Variants in GET1 observed in about 807,000 individuals in gnomAD.
GET1 encodes congenital heart disease 5 protein.
Under a neutral mutation model 22.6 loss-of-function variants are expected in GET1, and 20 were observed. The ratio of observed to expected loss-of-function variants is 0.89; its 90% CI spans 0.62 to 1.29. GET1 has a LOEUF of 1.29. GET1 is among the 50% of genes most tolerant of loss of function. The pLI is 0.00. For missense variants in GET1, 209 were observed against 219.9 expected (o/e 0.95, Z 0.31); for synonymous variants, 92 against 83.8 (o/e 1.10, Z -0.53).
intron 1 of GET1, among the ~76,000 whole-genome samples, chr21:39,382,929 T>A (rs1190473248): frequency 6.6e-6 from 1 of 152,098 alleles, no homozygotes; most frequent in Non-Finnish European, 1.5e-5. Flanking sequence ...GTTTTCTTAT[T>A]TATTTATTCT....
In GET1 at chr21:39,387,701, C is replaced by G. The variant is rs59724875; in HGVS notation, c.103-2997C>G. The G allele has an allele frequency of 2.0e-4, 159 of 807,464 alleles. 1 individual carries two copies. In the East Asian group the frequency reaches 0.013, roughly 64 times the overall value. The allele number at this position is 807,464 out of a possible 1,614,324, so 50.0% of individuals were successfully genotyped here. A position where few individuals can be genotyped will look rare whatever the true frequency, so the allele number is the denominator to read the frequency against. ...CCCTACTCCCCACACTCCCCCCCCC[C>G]ACTTTTGCCTCATCACGCAGGCGCT... is the stretch of plus-strand genomic sequence containing the variant. On this transcript the variant is annotated intron_variant, in intron 1 of 4. Transcript: ENST00000649170.
At chr21:39,396,579 C>T (rs1008192913) in intron 4 of GET1, among the ~76,000 whole-genome samples, 4 of 147,630 alleles carry the variant, frequency 2.7e-5, no homozygotes, top group South Asian at 2.2e-4. Context: ...CCCAGCTACT[C>T]GGGAGGCTGA....
In GET1 at chr21:39,420,868, A is replaced by G. The variant is rs374378384; in HGVS notation, c.*24-7364A>G. 1.0e-5 allele frequency: 16 copies of G among 1,566,042 alleles called. No individual in the cohort carries two copies. In the African/African-American group the frequency reaches 1.6e-4, roughly 16 times the overall value. On this transcript the variant is annotated intron_variant, in intron 1 of 1. Transcript: ENST00000478273. The stretch of plus-strand genomic sequence containing the variant: ...TCTGAAAACAGTATATATTATAACT[A>G]TTCTGCAACCAAGTTAGTATGTTAA...
At chr21:39,417,584 A>G (rs2041443176) in intron 1 of GET1, among the ~76,000 whole-genome samples, 1 of 152,128 alleles carries the variant, frequency 6.6e-6, no homozygotes, top group East Asian at 1.9e-4. Flanking sequence ...TGATAAAGAC[A>G]TAACTGAGTC....
chr21:39,411,925 A>T (rs2040151792), intron 1 of GET1: 1 of 587,204 alleles, frequency 1.7e-6, no homozygotes, highest in Non-Finnish European at 3.1e-6. Context: ...TTTAGAAGAA[A>T]CAGAAATAGG....
intron 4 of GET1, among the ~76,000 whole-genome samples, chr21:39,393,604 A>G (rs1341418241): frequency 6.6e-6 from 1 of 152,038 alleles, no homozygotes; most frequent in Non-Finnish European, 1.5e-5. Flanking sequence ...TTCAATCCCT[A>G]TTATGGTTGG....
chr21:39,405,954 G>A, exon 5 of GET1: 1 of 1,613,882 alleles, frequency 6.2e-7, no homozygotes, highest in Non-Finnish European at 8.5e-7. Context: ...TTACTTTAGA[G>A]TCTCCGAAAG....
intron 1 of GET1, chr21:39,420,802 G>C: frequency 6.2e-7 from 1 of 1,612,940 alleles, no homozygotes. Context: ...CCAGCTGCCG[G>C]CTAAAGGCTC....
At chr21:39,411,717 C>A in intron 1 of GET1, 2 of 1,417,356 alleles carry the variant, frequency 1.4e-6, no homozygotes, top group Non-Finnish European at 1.9e-6. Context: ...TTAAAACATA[C>A]CTTTTGGATA....
intron 3 of GET1, chr21:39,392,879 A>T: frequency 6.7e-5 from 23 of 345,604 alleles, no homozygotes; most frequent in South Asian, 2.7e-4. Flanking sequence ...TGTTCATCCT[A>T]AAACAGTGAA....
chr21:39,385,993 C>CT (rs1396366535), intron 1 of GET1: 1 of 152,290 alleles, frequency 6.6e-6, no homozygotes, highest in Non-Finnish European at 1.5e-5. Flanking sequence ...CTGGTGTGGG[C>CT]TGAGTGGCCA....
chr21:39,380,330 T>C lies in GET1; in HGVS notation c.-55T>C, dbSNP rs1285453777. 1 of 1,550,842 alleles carries C rather than the reference T, an allele frequency of 6.4e-7. No individual in the cohort carries two copies. The highest frequency in any genetic ancestry group is 8.7e-7 in the Non-Finnish European group (1 of 1,147,328). On this transcript the variant is annotated 5_prime_UTR_variant, in exon 1 of 5. Transcript: ENST00000649170. ...CGCGCAGGCGCGGTCGCCGCTGTTG[T>C]TGTGGTCCCCATGGAGCTGCCGTAG...
At chr21:39,417,748 T>C (rs1021528299) in intron 1 of GET1, among the ~76,000 whole-genome samples, 1 of 151,852 alleles carries the variant, frequency 6.6e-6, no homozygotes, top group Non-Finnish European at 1.5e-5. Flanking sequence ...TTCTTTTTAT[T>C]TATTTATTTA....
chr21:39,407,086 G>A (rs964616825), downstream of GET1, among the ~76,000 whole-genome samples: 3 of 152,162 alleles, frequency 2.0e-5, no homozygotes, highest in Non-Finnish European at 4.4e-5. Flanking sequence ...AATTAGCTGG[G>A]TGTGGTGGTG....
downstream of GET1, among the ~76,000 whole-genome samples, chr21:39,407,580 C>G (rs1303650405): frequency 6.6e-6 from 1 of 152,170 alleles, no homozygotes; most frequent in Admixed American, 6.6e-5. Flanking sequence ...TAAGGTATGG[C>G]ACGTGCAGTC....
intron 1 of GET1, among the ~76,000 whole-genome samples, chr21:39,427,340 G>A (rs936969524): frequency 6.6e-6 from 1 of 152,166 alleles, no homozygotes; most frequent in African/African-American, 2.4e-5. Context: ...AATTTGGACA[G>A]CTGGGAGTTG....
chr21:39,423,001 AT>A (rs753313177), intron 1 of GET1: 1 of 1,613,374 alleles, frequency 6.2e-7, no homozygotes, highest in Non-Finnish European at 8.5e-7. Context: ...ATTTGCGTCC[AT>A]TTTTGTTGTG....
chr21:39,388,756 C>T (rs897333551), intron 1 of GET1, among the ~76,000 whole-genome samples: 5 of 152,198 alleles, frequency 3.3e-5, no homozygotes, highest in Non-Finnish European at 7.3e-5. Context: ...CGCCACCTGG[C>T]GGTCACTGCC....
At chr21:39,380,935 G>GGGGGT in intron 1 of GET1, 1 of 187,978 alleles carries the variant, frequency 5.3e-6, no homozygotes, top group Non-Finnish European at 9.8e-6. Context: ...GGTAGGGTGG[G>GGGGGT]AGACAGGTGT....
Sources: gnomAD v4.1 joint callset for allele counts (sites outside exome capture counted in the v4.1 genomes callset) on GRCh38, gnomAD v4.1.1 for gene constraint, MANE v1.5 for transcripts, NCBI Gene and HGNC (gene_info 2026-07-23, HGNC 2026-07-21) for gene names.